DENND5B: variants seen among roughly 807,000 people sequenced by gnomAD.
DENND5B encodes DENN domain containing 5B.
Under a neutral mutation model 140.6 loss-of-function variants are expected in DENND5B, and 34 were observed. That is an observed-to-expected ratio of 0.24 (90% CI 0.18 to 0.32). The LOEUF (loss-of-function observed/expected upper bound fraction) is 0.32, where lower values mean the gene tolerates loss of function less well. DENND5B is among the 10% of genes least tolerant of loss of function. DENND5B has a pLI of 1.00. For synonymous variants in DENND5B, 551 were observed against 562.1 expected (o/e 0.98, Z 0.28); for missense variants, 1,142 against 1,560.2 (o/e 0.73, Z 4.52).
At chr12:31,578,234 G>A (rs1950091762) in intron 1 of DENND5B, among the ~76,000 whole-genome samples, 1 of 142,094 alleles carries the variant, frequency 7.0e-6, no homozygotes, top group Non-Finnish European at 1.5e-5. Context: ...ATTTTTTATT[G>A]TAATTTATAA....
chr12:31,551,207 A>G (rs895396212), intron 1 of DENND5B, among the ~76,000 whole-genome samples: 1 of 152,112 alleles, frequency 6.6e-6, no homozygotes, highest in Middle Eastern at 3.2e-3. Flanking sequence ...TCTAACATTT[A>G]AGTCTTTAAT....
At chr12:31,521,187 C>T (rs951567231) in intron 1 of DENND5B, among the ~76,000 whole-genome samples, 11 of 150,652 alleles carry the variant, frequency 7.3e-5, no homozygotes, top group Non-Finnish European at 1.3e-4. Context: ...ATAAAATAGG[C>T]GTCAAAAACA....
intron 13 of DENND5B, among the ~76,000 whole-genome samples, chr12:31,411,289 C>T (rs913892964): frequency 2.7e-5 from 4 of 149,996 alleles, no homozygotes; most frequent in African/African-American, 9.8e-5. Flanking sequence ...CCACCCGCCT[C>T]GGCCTCCCAA....
At chr12:31,551,080 G>C (rs1949044723) in intron 1 of DENND5B, among the ~76,000 whole-genome samples, 1 of 152,050 alleles carries the variant, frequency 6.6e-6, no homozygotes, top group African/African-American at 2.4e-5. Flanking sequence ...GATCCCATTT[G>C]TCAATTTTGG....
At chr12:31,526,082 T>C (rs1948074598) in intron 1 of DENND5B, among the ~76,000 whole-genome samples, 1 of 152,172 alleles carries the variant, frequency 6.6e-6, no homozygotes, top group African/African-American at 2.4e-5. Context: ...CCAGTTAACA[T>C]TAATAATTTC....
At chr12:31,450,284 CAAAG>C (rs1219829673) in intron 5 of DENND5B, among the ~76,000 whole-genome samples, 1 of 152,156 alleles carries the variant, frequency 6.6e-6, no homozygotes, top group East Asian at 1.9e-4. Flanking sequence ...TGGGGAAAAA[CAAAG>C]AACACCAGAA....
chr12:31,560,445 G>A (rs944027767), intron 1 of DENND5B, among the ~76,000 whole-genome samples: 1 of 152,080 alleles, frequency 6.6e-6, no homozygotes, highest in Non-Finnish European at 1.5e-5. Context: ...TATCTCCACT[G>A]CTACTATGTG....
intron 1 of DENND5B, among the ~76,000 whole-genome samples, chr12:31,531,949 TTA>T (rs1359076204): frequency 6.6e-6 from 1 of 152,184 alleles, no homozygotes; most frequent in Non-Finnish European, 1.5e-5. Context: ...CAGGTAACGT[TTA>T]TGGAGCCATT....
At chr12:31,450,362 T>C (rs1040268526) in intron 5 of DENND5B, among the ~76,000 whole-genome samples, 5 of 22,168 alleles carry the variant, frequency 2.3e-4, no homozygotes, top group African/African-American at 3.2e-4. Flanking sequence ...GTAAAAAAAT[T>C]ATCTTTTGTT....
rs1940872529 is a variant in DENND5B at position 31,386,818 on chromosome 12, C to T, written c.*785G>A. The T allele has an allele frequency of 6.6e-6, 1 of 152,160 alleles. No individual in the cohort carries two copies. The highest frequency in any genetic ancestry group is 2.4e-5 in the African/African-American group (1 of 41,430). 9.4% of individuals were successfully genotyped at this position (152,160 alleles called of 1,614,324 possible). Reference sequence around the variant, plus strand: ...CTGAAATTCACATCTTCCCAAAGTACCTCAAATAACAAGAATAAAAATGCC... The same window carrying T: ...CTGAAATTCACATCTTCCCAAAGTATCTCAAATAACAAGAATAAAAATGCC... On this transcript the variant is annotated 3_prime_UTR_variant, in exon 21 of 21. Coordinates refer to ENST00000389082, the MANE Select transcript of DENND5B (RefSeq NM_144973.4).
intron 1 of DENND5B, among the ~76,000 whole-genome samples, chr12:31,544,496 G>C: frequency 6.6e-6 from 1 of 152,034 alleles, no homozygotes; most frequent in Admixed American, 6.6e-5. Flanking sequence ...TATTGCCCAG[G>C]CTGGTCTCGA....
At chr12:31,441,179 T>TA (rs1944013275) in intron 7 of DENND5B, among the ~76,000 whole-genome samples, 1 of 151,934 alleles carries the variant, frequency 6.6e-6, no homozygotes, top group South Asian at 2.1e-4. Context: ...CCTGTCTCTA[T>TA]AAAAAAATAC....
intron 1 of DENND5B, among the ~76,000 whole-genome samples, chr12:31,588,561 A>G (rs1323340714): frequency 6.6e-6 from 1 of 152,228 alleles, no homozygotes; most frequent in East Asian, 1.9e-4. Context: ...TAACATTACA[A>G]CGTAACAGGT....
intron 11 of DENND5B, among the ~76,000 whole-genome samples, chr12:31,420,193 C>T (rs944528738): frequency 4.6e-5 from 7 of 152,002 alleles, no homozygotes; most frequent in Non-Finnish European, 1.0e-4. Context: ...GTGGTGGGAT[C>T]ACAGCACTCA....
intron 2 of DENND5B, among the ~76,000 whole-genome samples, chr12:31,484,925 G>C (rs1036358833): frequency 1.3e-5 from 2 of 152,272 alleles, no homozygotes; most frequent in Admixed American, 1.3e-4. Flanking sequence ...AACAAAAAGT[G>C]GATTTCATTA....
intron 10 of DENND5B, 37 bp from the exon 11 acceptor site, chr12:31,423,712 T>TTTCATC (rs2137710659): frequency 6.3e-7 from 1 of 1,588,376 alleles, no homozygotes. Flanking sequence ...TCATAAGAAA[T>TTTCATC]AATTCATCAA....
intron 14 of DENND5B, among the ~76,000 whole-genome samples, chr12:31,407,177 C>CTGGAG: frequency 6.6e-6 from 1 of 152,108 alleles, no homozygotes; most frequent in East Asian, 1.9e-4. Flanking sequence ...GTCGCCCAGG[C>CTGGAG]TGGAGTGCAG....
chr12:31,492,987 T>C (rs1232077470), intron 2 of DENND5B, among the ~76,000 whole-genome samples: 1 of 152,246 alleles, frequency 6.6e-6, no homozygotes, highest in African/African-American at 2.4e-5. Flanking sequence ...CCAAGTGCTT[T>C]AGGCATTTGT....
rs527364796 is a variant in DENND5B, at chr12:31,382,515, T to C, written c.*5088A>G. ...CATGGTTCAAGTGTAACACAGAGCA[T>C]TCTAAATGTTTCACACCCTCATTTG... is the stretch of plus-strand genomic sequence containing the variant. On this transcript the variant is annotated 3_prime_UTR_variant, in exon 21 of 21. Coordinates refer to ENST00000389082, the MANE Select transcript of DENND5B (RefSeq NM_144973.4). 6.6e-6 allele frequency: 1 copy of C among 152,282 alleles called. No homozygotes were observed. The highest frequency in any genetic ancestry group is 2.1e-4 in the South Asian group (1 of 4,822). The allele number at this position is 152,282 out of a possible 1,614,324, so 9.4% of individuals were successfully genotyped here.
Sources: allele counts gnomAD v4.1 joint callset (sites outside exome capture counted in the v4.1 genomes callset), GRCh38; gene constraint gnomAD v4.1.1; transcripts MANE v1.5; gene names NCBI Gene and HGNC (gene_info 2026-07-23, HGNC 2026-07-21).